Variants in PYGO1 observed in about 807,000 individuals in gnomAD.
PYGO1 encodes the protein pygopus homolog 1.
Under a neutral mutation model 29.5 loss-of-function variants are expected in PYGO1, and 6 were observed. The observed-to-expected ratio is 0.20, with a 90% CI of 0.11 to 0.40. The LOEUF is 0.40. Among genes scored for constraint, PYGO1 ranks in the 10% least tolerant of loss-of-function variants. The pLI is 1.00. For synonymous variants in PYGO1, 186 were observed against 180.5 expected, an observed-to-expected ratio of 1.03 and a Z score of -0.24; for missense variants, 515 against 514.9, an observed-to-expected ratio of 1.00 and a Z score of 0.00.
In PYGO1 at chr15:55,544,729, C is replaced by CT. The variant is rs2058842089; in HGVS notation, c.*1293dup. On this transcript the variant is annotated 3_prime_UTR_variant, in exon 3 of 3. Coordinates refer to ENST00000563719, the MANE Select transcript of PYGO1 (RefSeq NM_001367806.1). ...ATAATGGTGGCAACATATTAGGGAG[C>CT]TTTACCAGCCTCCAATGATTGTATA... The CT allele has an allele frequency of 6.6e-6, 1 of 152,064 alleles. No homozygotes were observed. Among genetic ancestry groups the CT allele is most frequent in the Non-Finnish European group, 1.5e-5 (1 of 68,016 alleles). 9.4% of individuals were successfully genotyped at this position (152,064 alleles called of 1,614,324 possible). A position where few individuals can be genotyped will look rare whatever the true frequency, so the allele number is the denominator to read the frequency against.
intron 1 of PYGO1, among the ~76,000 whole-genome samples, chr15:55,583,274 A>G (rs1476368605): frequency 6.6e-6 from 1 of 152,082 alleles, no homozygotes; most frequent in Non-Finnish European, 1.5e-5. Context: ...TGCTGTATTA[A>G]TTAATGAATT....
chr15:55,560,847 A>G (rs2141658810), intron 1 of PYGO1, among the ~76,000 whole-genome samples: 1 of 152,280 alleles, frequency 6.6e-6, no homozygotes, highest in South Asian at 2.1e-4. Context: ...CTGCAGTCTC[A>G]GCTACTCGGG....
chr15:55,585,398 A>T (rs1385988589), intron 1 of PYGO1, among the ~76,000 whole-genome samples: 3 of 152,202 alleles, frequency 2.0e-5, no homozygotes, highest in African/African-American at 7.2e-5. Flanking sequence ...CAGTCTGATG[A>T]TATAAATTAC....
At chr15:55,555,365 A>C (rs1300743127) in intron 1 of PYGO1, among the ~76,000 whole-genome samples, 1 of 151,954 alleles carries the variant, frequency 6.6e-6, no homozygotes, top group African/African-American at 2.4e-5. Context: ...GGAAGCACTA[A>C]ATATGGAAAG....
intron 1 of PYGO1, among the ~76,000 whole-genome samples, chr15:55,563,105 A>G (rs1293799313): frequency 6.6e-6 from 1 of 152,202 alleles, no homozygotes; most frequent in Non-Finnish European, 1.5e-5. Flanking sequence ...ATCAAAATTA[A>G]AAACTTTTGA....
chr15:55,587,700 C>T (rs1340448880), intron 1 of PYGO1, 135 bp downstream of exon 1: 1 of 1,183,276 alleles, frequency 8.5e-7, no homozygotes, highest in Non-Finnish European at 1.0e-6. Context: ...CAGCCTCGGC[C>T]CCGGGGTGCC....
intron 1 of PYGO1, among the ~76,000 whole-genome samples, chr15:55,583,363 A>C (rs1348435122): frequency 2.0e-5 from 3 of 149,942 alleles, no homozygotes; most frequent in Admixed American, 2.0e-4. Flanking sequence ...AATACGTTTA[A>C]GTCTTTTTCC....
chr15:55,578,630 C>T (rs1293160732), intron 1 of PYGO1, among the ~76,000 whole-genome samples: 1 of 152,086 alleles, frequency 6.6e-6, no homozygotes, highest in Non-Finnish European at 1.5e-5. Flanking sequence ...TTTTTATGTA[C>T]TTATGGACCA....
chr15:55,575,662 T>C (rs2058998288), intron 1 of PYGO1, among the ~76,000 whole-genome samples: 1 of 152,200 alleles, frequency 6.6e-6, no homozygotes, highest in Non-Finnish European at 1.5e-5. Flanking sequence ...TGATGTCTAC[T>C]ATCCTGCATT....
In PYGO1 at chr15:55,544,488, G is replaced by C. The variant is rs1159706711; in HGVS notation, c.*1535C>G. 2 of 152,186 alleles carry C rather than the reference G, an allele frequency of 1.3e-5. No homozygotes were observed. Among genetic ancestry groups the C allele is most frequent in the African/African-American group, 4.8e-5 (2 of 41,450 alleles). 9.4% of individuals were successfully genotyped at this position (152,186 alleles called of 1,614,324 possible). ...CAAGTCACTTAACTTTGCTTTAGTA[G>C]CTTGTGACATGTGAGGTCGAGTCCT... On this transcript the variant is annotated 3_prime_UTR_variant, in exon 3 of 3. Coordinates refer to ENST00000563719, the MANE Select transcript of PYGO1 (RefSeq NM_001367806.1).
chr15:55,578,487 G>C (rs891897662), intron 1 of PYGO1, among the ~76,000 whole-genome samples: 1 of 152,084 alleles, frequency 6.6e-6, no homozygotes, highest in Non-Finnish European at 1.5e-5. Flanking sequence ...CAAGGTATGA[G>C]GGTTACAATC....
chr15:55,554,233 G>C (rs899460046), intron 1 of PYGO1, among the ~76,000 whole-genome samples: 1 of 152,010 alleles, frequency 6.6e-6, no homozygotes, highest in Non-Finnish European at 1.5e-5. Context: ...GGGAGGCCAA[G>C]GTGGGTGGAT....
intron 1 of PYGO1, among the ~76,000 whole-genome samples, chr15:55,555,560 T>C (rs2058900679): frequency 6.9e-6 from 1 of 145,472 alleles, no homozygotes; most frequent in South Asian, 2.3e-4. Flanking sequence ...CATTAGGAGA[T>C]ATACCTAATG....
chr15:55,559,924 G>C (rs891286256), intron 1 of PYGO1, among the ~76,000 whole-genome samples: 5 of 151,970 alleles, frequency 3.3e-5, no homozygotes, highest in Non-Finnish European at 7.4e-5. Flanking sequence ...ACAGAACTAA[G>C]ACAAAAAACA....
At chr15:55,550,695 T>C (rs2058875268) in intron 1 of PYGO1, among the ~76,000 whole-genome samples, 1 of 152,224 alleles carries the variant, frequency 6.6e-6, no homozygotes, top group South Asian at 2.1e-4. Context: ...TTTCAACACC[T>C]GTTTAATTCC....
Position 55,546,370 on chromosome 15 carries a change from T to A in PYGO1, c.913A>T (p.Asn305Tyr). The A allele has an allele frequency of 6.2e-7, 1 of 1,614,230 alleles. No homozygotes were observed. Among genetic ancestry groups the A allele is most frequent in the Non-Finnish European group, 8.5e-7 (1 of 1,180,032 alleles). Residue 305 changes from asparagine (N) to tyrosine (Y), a missense_variant, in exon 3 of 3, where the codon AAT (asparagine) becomes TAT (tyrosine). Physicochemically the swap from Asn to Tyr is moderately radical, Grantham distance 143. Transcript: ENST00000563719. ...GCACCTCTTGGTTGTCGTGGCTTAT[T>A]CTGCGTCCCATTTGCAGGGTTATTG... ...TNNNPANGTQ[N>Y]KPRQPRGAAD...
chr15:55,577,657 A>C (rs1304471614), intron 1 of PYGO1, among the ~76,000 whole-genome samples: 2 of 152,076 alleles, frequency 1.3e-5, no homozygotes, highest in Non-Finnish European at 2.9e-5. Context: ...CTGGTTATAT[A>C]ACCATCATTA....
intron 1 of PYGO1, among the ~76,000 whole-genome samples, chr15:55,572,276 T>C (rs1382185612): frequency 6.6e-6 from 1 of 152,042 alleles, no homozygotes; most frequent in Admixed American, 6.5e-5. Flanking sequence ...TTGGCAAAGG[T>C]ACCAAGAGTA....
chr15:55,538,920 C>G lies in PYGO1; in HGVS notation c.*7103G>C, dbSNP rs2058817856. On this transcript the variant is annotated 3_prime_UTR_variant, in exon 3 of 3. Coordinates refer to ENST00000563719, the MANE Select transcript of PYGO1 (RefSeq NM_001367806.1). Reference sequence around the variant, plus strand: ...AAAAACTAGCTTTATTTAAAAGAATCTGAACCATAATAACACTATAGGAAA... The same window carrying G: ...AAAAACTAGCTTTATTTAAAAGAATGTGAACCATAATAACACTATAGGAAA... 6.6e-6 allele frequency: 1 copy of G among 152,148 alleles called. No individual in the cohort carries two copies. The highest frequency in any genetic ancestry group is 2.4e-5 in the African/African-American group (1 of 41,444). 9.4% of individuals were successfully genotyped at this position (152,148 alleles called of 1,614,324 possible).
Sources: gnomAD v4.1 joint callset for allele counts (sites outside exome capture counted in the v4.1 genomes callset) on GRCh38, gnomAD v4.1.1 for gene constraint, MANE v1.5 for transcripts, NCBI Gene and HGNC (gene_info 2026-07-23, HGNC 2026-07-21) for gene names.